Variants in CAST observed in about 807,000 individuals in gnomAD.
CAST encodes MIR583 host.
In CAST, 76 loss-of-function variants were observed where a neutral mutation model predicts 119.6. The ratio of observed to expected loss-of-function variants is 0.64; its 90% CI spans 0.53 to 0.77. The LOEUF is 0.77. Among genes scored for constraint, CAST ranks in the 30% least tolerant of loss-of-function variants. CAST has a pLI of 0.00. For missense variants in CAST, 953 were observed against 946.5 expected (o/e 1.01, Z -0.09); for synonymous variants, 319 against 331.6 (o/e 0.96, Z 0.41).
At chr5:96,257,413 G>A in the CAST span, among the ~76,000 whole-genome samples, 1 of 152,124 alleles carries the variant, frequency 6.6e-6, no homozygotes, top group African/African-American at 2.4e-5. Flanking sequence ...AAAAAGAAAT[G>A]TTTTCACTTG....
intron 1 of CAST, among the ~76,000 whole-genome samples, chr5:96,605,073 AAGGTCTCTCACTACCT>A (rs1370504361): frequency 3.3e-5 from 5 of 152,324 alleles, no homozygotes; most frequent in Admixed American, 3.3e-4. Flanking sequence ...GGTTGACTCC[AAGGTCTCTCACTACCT>A]AGGGGGTCAA....
At chr5:96,519,770 C>T in the CAST span, among the ~76,000 whole-genome samples, 2 of 152,038 alleles carry the variant, frequency 1.3e-5, no homozygotes, top group African/African-American at 2.4e-5. Context: ...TCATGCTTTG[C>T]TAATTTTTGT....
At chr5:96,594,234 C>G (rs1462521308) in intron 1 of CAST, among the ~76,000 whole-genome samples, 1 of 152,152 alleles carries the variant, frequency 6.6e-6, no homozygotes, top group Non-Finnish European at 1.5e-5. Flanking sequence ...TATTACTTCC[C>G]TATATTAGCC....
chr5:96,600,518 G>C (rs1028632303), intron 1 of CAST, among the ~76,000 whole-genome samples: 1 of 152,198 alleles, frequency 6.6e-6, no homozygotes, highest in Non-Finnish European at 1.5e-5. Flanking sequence ...GAAGTGATGG[G>C]AATGAAGAAC....
the CAST span, among the ~76,000 whole-genome samples, chr5:96,164,660 G>A: frequency 2.0e-5 from 3 of 152,324 alleles, no homozygotes; most frequent in African/African-American, 4.8e-5. Flanking sequence ...TAGCCTGAAC[G>A]TTGTGTTAGT....
the CAST span, among the ~76,000 whole-genome samples, chr5:96,292,754 G>T: frequency 6.6e-6 from 1 of 152,160 alleles, no homozygotes; most frequent in East Asian, 1.9e-4. Context: ...TGCCCACTGC[G>T]TCACAAGGAT....
the CAST span, among the ~76,000 whole-genome samples, chr5:96,502,887 C>T: frequency 6.6e-6 from 1 of 152,150 alleles, no homozygotes; most frequent in Non-Finnish European, 1.5e-5. Flanking sequence ...CTTCATCCCT[C>T]TTTGATTCAT....
the CAST span, among the ~76,000 whole-genome samples, chr5:96,337,213 C>G: frequency 6.6e-6 from 1 of 151,844 alleles, no homozygotes; most frequent in African/African-American, 2.4e-5. Context: ...CACACAACCA[C>G]ACACACACAC....
chr5:96,125,208 GTT>G, the CAST span, among the ~76,000 whole-genome samples: 102 of 152,274 alleles, frequency 6.7e-4, 2 homozygotes, highest in South Asian at 0.013. Flanking sequence ...TATTCCTTAA[GTT>G]GGTGATAGGT....
chr5:96,003,727 C>T, the CAST span, among the ~76,000 whole-genome samples: 1 of 151,906 alleles, frequency 6.6e-6, no homozygotes, highest in Non-Finnish European at 1.5e-5. Flanking sequence ...ATAGTTTTTT[C>T]AATGAAATTT....
chr5:96,691,717 T>A (rs765471450), intron 2 of CAST, among the ~76,000 whole-genome samples: 3 of 152,206 alleles, frequency 2.0e-5, no homozygotes, highest in Non-Finnish European at 4.4e-5. Flanking sequence ...AAAACTGGTG[T>A]TGAGAAATGT....
At chr5:96,255,976 A>T in the CAST span, among the ~76,000 whole-genome samples, 1 of 152,026 alleles carries the variant, frequency 6.6e-6, no homozygotes, top group Non-Finnish European at 1.5e-5. Flanking sequence ...ACTTTTTTGG[A>T]ACAAGATTTC....
intron 1 of CAST, among the ~76,000 whole-genome samples, chr5:96,634,870 C>T (rs1360891530): frequency 2.6e-5 from 4 of 152,130 alleles, no homozygotes; most frequent in Admixed American, 6.5e-5. Flanking sequence ...TCTGACTGTG[C>T]GATTTGGGAG....
chr5:96,659,183 T>C (rs1376916438), upstream of CAST, among the ~76,000 whole-genome samples: 1 of 152,174 alleles, frequency 6.6e-6, no homozygotes, highest in Non-Finnish European at 1.5e-5. Context: ...GTAACAGATA[T>C]AATGAAAAAG....
intron 1 of CAST, among the ~76,000 whole-genome samples, chr5:96,548,851 C>T (rs1441084464): frequency 1.3e-5 from 2 of 152,128 alleles, no homozygotes; most frequent in African/African-American, 4.8e-5. Context: ...TAAGTATGTC[C>T]CTGCTCTAGC....
intron 1 of CAST, among the ~76,000 whole-genome samples, chr5:96,602,208 C>T (rs1417468825): frequency 6.6e-6 from 1 of 152,254 alleles, no homozygotes; most frequent in South Asian, 2.1e-4. Context: ...AGTAATATGA[C>T]ATGACAAGTG....
At chr5:96,316,614 T>C in the CAST span, among the ~76,000 whole-genome samples, 1 of 152,152 alleles carries the variant, frequency 6.6e-6, no homozygotes, top group Non-Finnish European at 1.5e-5. Context: ...GAACATGTTG[T>C]AACAAAGAAA....
the CAST span, among the ~76,000 whole-genome samples, chr5:96,418,704 G>C: frequency 1.3e-5 from 2 of 152,200 alleles, no homozygotes; most frequent in African/African-American, 4.8e-5. Flanking sequence ...AAACCTAAGG[G>C]CTTTATGTCT....
At chr5:96,226,867 A>G in the CAST span, among the ~76,000 whole-genome samples, 1 of 152,214 alleles carries the variant, frequency 6.6e-6, no homozygotes, top group Non-Finnish European at 1.5e-5. Context: ...TTTACAATGT[A>G]ACAGCTAAAT....
Sources: allele counts gnomAD v4.1 joint callset (sites outside exome capture counted in the v4.1 genomes callset), GRCh38; gene constraint gnomAD v4.1.1; transcripts MANE v1.5; gene names NCBI Gene and HGNC (gene_info 2026-07-23, HGNC 2026-07-21).